Variants in CNTN4 observed in about 807,000 individuals in gnomAD.
The protein encoded by CNTN4 is contactin-4.
A neutral mutation model predicts 122.5 loss-of-function variants in CNTN4; 77 were observed. The ratio of observed to expected loss-of-function variants is 0.63; its 90% CI spans 0.52 to 0.76. CNTN4 has a LOEUF of 0.76. CNTN4 is among the 30% of genes least tolerant of loss of function. The pLI, the probability that CNTN4 is intolerant of heterozygous loss-of-function variation, is 0.00. For synonymous variants in CNTN4, 512 were observed against 447.0 expected (o/e 1.15, Z -1.83); for missense variants, 1,256 against 1,259.1 (o/e 1.00, Z 0.04).
intron 6 of CNTN4, among the ~76,000 whole-genome samples, chr3:2,786,043 G>A (rs2091810376): frequency 1.3e-5 from 2 of 151,986 alleles, no homozygotes; most frequent in South Asian, 4.2e-4. Flanking sequence ...GAGAGGATTT[G>A]GGCTGGGGAT....
intron 2 of CNTN4, among the ~76,000 whole-genome samples, chr3:2,304,026 T>A (rs370772568): frequency 6.6e-6 from 1 of 152,184 alleles, no homozygotes; most frequent in East Asian, 1.9e-4. Context: ...TTCCTGTAAA[T>A]CTAGGTTACA....
At chr3:3,053,999 T>G (rs746104660) in intron 24 of CNTN4, 24 bp downstream of exon 24, 1 of 1,611,498 alleles carries the variant, frequency 6.2e-7, no homozygotes, top group Admixed American at 1.7e-5. Flanking sequence ...TTTTTCTCCC[T>G]TTTCTCCTGC....
At chr3:2,285,964 G>A (rs1349591716) in intron 2 of CNTN4, among the ~76,000 whole-genome samples, 1 of 151,998 alleles carries the variant, frequency 6.6e-6, no homozygotes, top group South Asian at 2.1e-4. Flanking sequence ...TCCTGCAGTG[G>A]AATTGCTGAA....
intron 3 of CNTN4, among the ~76,000 whole-genome samples, chr3:2,532,279 A>G (rs2077624847): frequency 6.6e-6 from 1 of 152,004 alleles, no homozygotes; most frequent in Admixed American, 6.6e-5. Context: ...GAGAGACAGC[A>G]TCTCACCCTG....
intron 4 of CNTN4, among the ~76,000 whole-genome samples, chr3:2,724,573 A>G (rs2088082366): frequency 6.6e-6 from 1 of 152,174 alleles, no homozygotes; most frequent in South Asian, 2.1e-4. Flanking sequence ...CTATGTGCCA[A>G]ATTACAAACC....
At chr3:2,514,923 A>C in intron 3 of CNTN4, among the ~76,000 whole-genome samples, 1 of 141,492 alleles carries the variant, frequency 7.1e-6, no homozygotes, top group Non-Finnish European at 1.5e-5. Flanking sequence ...CCTTCCCTCC[A>C]TCTTCTGCTA....
rs67731967 is a variant in CNTN4 at position 2,820,961 on chromosome 3, C to CTTTTTTTTTTTTTTTTTTTTTTTTT, written c.454+1398_454+1399insTTTTTTTTTTTTTTTTTTTTTTTTT. Among the ~76,000 whole-genome samples the CTTTTTTTTTTTTTTTTTTTTTTTTT allele has an allele frequency of 9.3e-5, 10 of 107,578 alleles. 1 individual carries two copies. Among genetic ancestry groups the CTTTTTTTTTTTTTTTTTTTTTTTTT allele is most frequent in the African/African-American group, 3.4e-4 (9 of 26,462 alleles). The allele number at this position is 107,578 out of a possible 152,430, so 70.6% of individuals were successfully genotyped here. On this transcript the variant is annotated intron_variant, in intron 7 of 24. Transcript: ENST00000418658. ...TTCTCACATGCAACATTTTCTCTTT[C>CTTTTTTTTTTTTTTTTTTTTTTTTT]TTTTTTTTTTTTTTTTTTGAGACAG...
chr3:2,829,473 G>A (rs2093055901), intron 7 of CNTN4, among the ~76,000 whole-genome samples: 3 of 152,174 alleles, frequency 2.0e-5, no homozygotes, highest in African/African-American at 7.2e-5. Flanking sequence ...ATCAGCAAAA[G>A]AAGCAAAAGG....
intron 2 of CNTN4, among the ~76,000 whole-genome samples, chr3:2,246,379 A>G (rs2040150126): frequency 6.6e-6 from 1 of 152,026 alleles, no homozygotes; most frequent in African/African-American, 2.4e-5. Flanking sequence ...TTATCCTGAA[A>G]GGAAACCTTT....
chr3:2,426,034 C>G (rs142986824), intron 3 of CNTN4, among the ~76,000 whole-genome samples: 1,587 of 152,284 alleles, frequency 0.01, 16 homozygotes, highest in Non-Finnish European at 0.015. Flanking sequence ...TTGACTTCCT[C>G]TTTTCCTAAT....
chr3:2,913,827 A>G (rs1209757534), intron 12 of CNTN4, among the ~76,000 whole-genome samples: 1 of 152,220 alleles, frequency 6.6e-6, no homozygotes, highest in Non-Finnish European at 1.5e-5. Flanking sequence ...CATATAAAGA[A>G]CACTGCTCTC....
At chr3:3,037,503 C>T (rs1186525105) in intron 18 of CNTN4, 175 bp downstream of exon 18, 8 of 832,122 alleles carry the variant, frequency 9.6e-6, no homozygotes, top group African/African-American at 5.1e-5. Flanking sequence ...GAACACGCAA[C>T]GGGTTTCAAT....
intron 2 of CNTN4, among the ~76,000 whole-genome samples, chr3:2,134,804 A>G (rs1420008680): frequency 6.6e-6 from 1 of 152,146 alleles, no homozygotes; most frequent in African/African-American, 2.4e-5. Context: ...GTCATGTGGG[A>G]GTTTTCTCTT....
intron 4 of CNTN4, among the ~76,000 whole-genome samples, chr3:2,696,172 C>G (rs1429256195): frequency 6.6e-6 from 1 of 152,166 alleles, no homozygotes; most frequent in Non-Finnish European, 1.5e-5. Flanking sequence ...ATTAGCTTTT[C>G]AAGAGATCAT....
intron 9 of CNTN4, among the ~76,000 whole-genome samples, chr3:2,884,646 T>C (rs114372050): frequency 6.4e-4 from 97 of 152,282 alleles, no homozygotes; most frequent in African/African-American, 2.3e-3. Flanking sequence ...TGTATAAGCA[T>C]TTATATATAT....
intron 4 of CNTN4, among the ~76,000 whole-genome samples, chr3:2,642,949 T>G (rs1301047708): frequency 6.6e-6 from 1 of 152,168 alleles, no homozygotes; most frequent in Non-Finnish European, 1.5e-5. Context: ...AACCACAGTG[T>G]CCTTTACAGG....
Position 2,571,499 on chromosome 3 carries a change from T to C in CNTN4, c.-5T>C. On this transcript the variant is annotated 5_prime_UTR_variant, in exon 4 of 25. Transcript: ENST00000418658. ...TGAAACTCCCTTTGACCTCGGAAAC[T>C]GAAGATGAGGTTGCCATGGGAACTG... 1 of 1,612,160 alleles carries C rather than the reference T, an allele frequency of 6.2e-7. No individual in the cohort carries two copies. Among genetic ancestry groups the C allele is most frequent in the Non-Finnish European group, 8.5e-7 (1 of 1,178,178 alleles).
chr3:2,637,708 G>A lies in CNTN4; in HGVS notation c.55+66150G>A, dbSNP rs555439976. Among the ~76,000 whole-genome samples, 6 of 152,240 alleles carry A rather than the reference G, an allele frequency of 3.9e-5. No individual in the cohort carries two copies. In the South Asian group the frequency reaches 8.3e-4, roughly 21 times the overall value. ...CCTATAAATCCTATAAAGCCTGTAT[G>A]TTTTACCATAGTTGTCACCACGCAT... is the stretch of plus-strand genomic sequence containing the variant. On this transcript the variant is annotated intron_variant, in intron 4 of 24. Coordinates refer to ENST00000418658, the MANE Select transcript of CNTN4 (RefSeq NM_175607.3).
intron 2 of CNTN4, among the ~76,000 whole-genome samples, chr3:2,191,799 A>G (rs2037566182): frequency 6.6e-6 from 1 of 152,056 alleles, no homozygotes; most frequent in Non-Finnish European, 1.5e-5. Flanking sequence ...TTACATATGT[A>G]TGCATGTGCC....
Sources: gnomAD v4.1 joint callset for allele counts (sites outside exome capture counted in the v4.1 genomes callset) on GRCh38, gnomAD v4.1.1 for gene constraint, MANE v1.5 for transcripts, NCBI Gene and HGNC (gene_info 2026-07-23, HGNC 2026-07-21) for gene names.